Variants in KDM3B observed in about 807,000 individuals in gnomAD.
The protein encoded by KDM3B is lysine-specific demethylase 3B.
Under a neutral mutation model 170.0 loss-of-function variants are expected in KDM3B, and 10 were observed. That is an observed-to-expected ratio of 0.06 (90% CI 0.04 to 0.10). The LOEUF is 0.10. KDM3B is among the 10% of genes least tolerant of loss of function. The pLI is 1.00. For synonymous variants in KDM3B, 831 were observed against 834.8 expected (o/e 1.00, Z 0.08); for missense variants, 1,394 against 2,195.2 (o/e 0.64, Z 7.29).
intron 11 of KDM3B, among the ~76,000 whole-genome samples, chr5:138,405,474 C>G (rs754783330): frequency 2.6e-5 from 4 of 151,904 alleles, no homozygotes; most frequent in Admixed American, 2.0e-4. Context: ...TCACTGCACT[C>G]TAGCATAGGC....
chr5:138,408,354 T>C (rs1257771592), intron 11 of KDM3B, among the ~76,000 whole-genome samples: 1 of 150,606 alleles, frequency 6.6e-6, no homozygotes, highest in Non-Finnish European at 1.5e-5. Context: ...TTTTTTTTTC[T>C]TTTTTTCCTA....
chr5:138,381,818 T>G (rs1219502576), intron 6 of KDM3B: 1 of 466,900 alleles, frequency 2.1e-6, no homozygotes, highest in African/African-American at 1.9e-5. Flanking sequence ...TCCCTAGTTC[T>G]TCTAAAGTGC....
In KDM3B at chr5:138,377,789, A is replaced by G; in HGVS notation, c.544A>G (p.Ile182Val). 6.2e-7 allele frequency: 1 copy of G among 1,613,978 alleles called. No individual in the cohort carries two copies. Among genetic ancestry groups the G allele is most frequent in the Admixed American group, 1.7e-5 (1 of 60,022 alleles). ...AALRETVNAL[I>V]SDQKLQEIFS... ...ACTGAGAGAAACAGTTAATGCTTTGATCAGTGACCAAAAGCTACAAGAGAT... is the reference window on the plus strand; with the variant it reads ...ACTGAGAGAAACAGTTAATGCTTTGGTCAGTGACCAAAAGCTACAAGAGAT... The change falls in exon 4 of 24, where the codon ATC becomes GTC. Residue 182 changes from isoleucine to valine, a missense_variant. By Grantham distance (29) the Ile-to-Val change is conservative (BLOSUM62 3). Coordinates refer to ENST00000314358, the MANE Select transcript of KDM3B (RefSeq NM_016604.4).
chr5:138,384,812 G>T (rs1331636849), intron 6 of KDM3B, among the ~76,000 whole-genome samples: 1 of 150,724 alleles, frequency 6.6e-6, no homozygotes, highest in Non-Finnish European at 1.5e-5. Flanking sequence ...TCCTGGGGAG[G>T]CTGAGGCAAG....
At chr5:138,395,605 AT>A (rs1426005680) in intron 9 of KDM3B, among the ~76,000 whole-genome samples, 4 of 152,102 alleles carry the variant, frequency 2.6e-5, no homozygotes, top group African/African-American at 9.7e-5. Flanking sequence ...TCTACAAAAA[AT>A]AATAGTAATA....
At chr5:138,417,685 C>T (rs187678089) in intron 13 of KDM3B, 75 bp downstream of exon 13, 1 of 1,465,210 alleles carries the variant, frequency 6.8e-7, no homozygotes, top group Non-Finnish European at 9.5e-7. Flanking sequence ...CTTTTCAACT[C>T]TGTTATGCCA....
At chr5:138,375,896 C>CG (rs1761986717) in intron 3 of KDM3B, among the ~76,000 whole-genome samples, 2 of 152,086 alleles carry the variant, frequency 1.3e-5, no homozygotes, top group Non-Finnish European at 2.9e-5. Context: ...AGGCTAGTCT[C>CG]GAACTCCTGA....
In KDM3B at chr5:138,399,998, G is replaced by A. The variant is rs574498273; in HGVS notation, c.3185G>A (p.Ser1062Asn). ...VCLDCYRLRK[S>N]RPRSETEEMG... is the part of the protein sequence containing the mutation. Reference sequence around the variant, plus strand: ...CTTGACTGTTACCGGCTCAGGAAAAGCCGGCCACGCAGTGGTAAGTAAACA... The same window carrying A: ...CTTGACTGTTACCGGCTCAGGAAAAACCGGCCACGCAGTGGTAAGTAAACA... The change falls in exon 11 of 24, where the codon AGC (serine) becomes AAC (asparagine). Residue 1062 changes from serine to asparagine, a missense_variant. Physicochemically the swap from Ser to Asn is conservative, Grantham distance 46. This residue lies in a region of KDM3B where 44 missense variants were observed against 71.1 expected (regional missense o/e 0.62). Transcript: ENST00000314358. The A allele has an allele frequency of 5.0e-6, 8 of 1,614,186 alleles. 1 individual carries two copies. The South Asian group carries it at 7.7e-5, about 16-fold the overall frequency.
intron 1 of KDM3B, among the ~76,000 whole-genome samples, chr5:138,362,003 T>G (rs1761621088): frequency 6.6e-6 from 1 of 152,128 alleles, no homozygotes; most frequent in Admixed American, 6.5e-5. Flanking sequence ...ACTTACTTCA[T>G]CTACCTAAAG....
intron 20 of KDM3B, 128 bp downstream of exon 20, chr5:138,428,214 T>C: frequency 9.7e-7 from 1 of 1,034,238 alleles, no homozygotes; most frequent in Non-Finnish European, 1.4e-6. Flanking sequence ...TGTTTTTTTT[T>C]TTGGGGGGCG....
chr5:138,377,707 T>C lies in KDM3B; in HGVS notation c.475-13T>C. 1 of 1,583,910 alleles carries C rather than the reference T, an allele frequency of 6.3e-7. No homozygotes were observed. The highest frequency in any genetic ancestry group is 2.2e-5 in the East Asian group (1 of 44,688). ...TTTAACATTCAGTTGTTTTCTTCTT[T>C]TATCTTTACCAGATGGGAACAGATA... On this transcript the variant is annotated splice_polypyrimidine_tract_variant and intron_variant, in intron 3 of 23. Coordinates refer to ENST00000314358, the MANE Select transcript of KDM3B (RefSeq NM_016604.4).
intron 21 of KDM3B, 83 bp from the exon 22 acceptor site, chr5:138,430,166 C>G (rs753685595): frequency 6.6e-5 from 99 of 1,497,186 alleles, no homozygotes; most frequent in Non-Finnish European, 8.8e-5. Context: ...CCCACCCCAT[C>G]TTAGGACATT....
intron 18 of KDM3B, 51 bp downstream of exon 18, chr5:138,427,116 C>T (rs757146418): frequency 1.9e-6 from 3 of 1,606,400 alleles, no homozygotes; most frequent in East Asian, 2.2e-5. Context: ...AAAGTAATCA[C>T]AGAAAAGTGA....
intron 5 of KDM3B, 116 bp from the exon 6 acceptor site, chr5:138,381,400 C>T: frequency 3.0e-6 from 2 of 670,724 alleles, no homozygotes; most frequent in Non-Finnish European, 5.3e-6. Context: ...TCTCATGGAG[C>T]TTTCATTCTA....
chr5:138,425,651 C>T, intron 17 of KDM3B, 69 bp downstream of exon 17: 3 of 1,299,486 alleles, frequency 2.3e-6, no homozygotes, highest in South Asian at 3.0e-5. Context: ...CCCAGCTCTG[C>T]CCTTGAATAA....
At chr5:138,432,398 C>T (rs749626831) in intron 23 of KDM3B, among the ~76,000 whole-genome samples, 6 of 150,860 alleles carry the variant, frequency 4.0e-5, no homozygotes, top group Non-Finnish European at 5.9e-5. Context: ...CATTAATACA[C>T]TTAGGTACTT....
At chr5:138,373,303 G>A (rs1281852960) in intron 2 of KDM3B, among the ~76,000 whole-genome samples, 1 of 152,004 alleles carries the variant, frequency 6.6e-6, no homozygotes, top group Non-Finnish European at 1.5e-5. Flanking sequence ...TTGTGCCACT[G>A]CATCCAGCCT....
Position 138,352,843 on chromosome 5 carries a change from G to A in KDM3B, c.48G>A (p.Leu16=). The A allele has an allele frequency of 7.3e-7, 1 of 1,369,440 alleles. No individual in the cohort carries two copies. Among genetic ancestry groups the A allele is most frequent in the Non-Finnish European group, 9.5e-7 (1 of 1,058,084 alleles). 84.8% of individuals were successfully genotyped at this position (1,369,440 alleles called of 1,614,324 possible). A position where few individuals can be genotyped will look rare whatever the true frequency, so the allele number is the denominator to read the frequency against. Residue 16 remains leucine (L), a synonymous_variant, in exon 1 of 24, where the codon CTG becomes CTA. Transcript: ENST00000314358. ...ASPVGKRLLL[L]FADTAASASA... ...CGGTGGGCAAGCGGCTGCTGCTGCT[G>A]TTCGCGGACACTGCGGCCTCAGCCT...
intron 6 of KDM3B, among the ~76,000 whole-genome samples, chr5:138,384,452 A>C (rs375784412): frequency 4.5e-4 from 68 of 151,382 alleles, no homozygotes; most frequent in African/African-American, 1.4e-3. Flanking sequence ...AAATACAAAA[A>C]TTAGGCCAGG....
Sources: allele counts gnomAD v4.1 joint callset (sites outside exome capture counted in the v4.1 genomes callset), GRCh38; gene constraint gnomAD v4.1.1; regional missense constraint gnomAD v4.1.1; transcripts MANE v1.5; gene names NCBI Gene and HGNC (gene_info 2026-07-23, HGNC 2026-07-21).